Variants in KANTR observed in about 807,000 individuals in gnomAD.
KANTR encodes the protein KANTR integral membrane protein.
exon 3 of KANTR, chrX:53,127,081 G>A (rs1371869226): frequency 8.9e-6 from 1 of 111,768 alleles, no homozygotes; most frequent in African/African-American, 3.3e-5. Context: ...CTTTGTACTT[G>A]TTCTTCTCAC....
intron 2 of KANTR, among the ~76,000 whole-genome samples, chrX:53,119,498 A>G: frequency 9.0e-6 from 1 of 111,646 alleles, no homozygotes; most frequent in Non-Finnish European, 1.9e-5. Flanking sequence ...TAACATAATA[A>G]TCTGAGAAAC....
At position 53,111,999 on chromosome X, in the gene KANTR, T is replaced by G. The variant is rs1011630764; in HGVS notation, c.-804-11470T>G. Reference sequence around the variant, plus strand: ...TTTTTTTTTAATTTCAGTTGGTTTTTGGGGAACAGGTGGTGGTTGGTTACA... The same window carrying G: ...TTTTTTTTTAATTTCAGTTGGTTTTGGGGGAACAGGTGGTGGTTGGTTACA... On this transcript the variant is annotated intron_variant, in intron 2 of 2. Transcript: ENST00000604062. 3.6e-5 allele frequency among the ~76,000 whole-genome samples: 4 copies of G among 111,346 alleles called. No individual in the cohort carries two copies. The East Asian group carries it at 8.4e-4, about 23-fold the overall frequency.
chrX:53,144,923 C>A (rs1011162433), downstream of KANTR, among the ~76,000 whole-genome samples: 1 of 111,668 alleles, frequency 9.0e-6, no homozygotes, highest in African/African-American at 3.3e-5. Context: ...CTGCCTTAGT[C>A]GTTCTGTGTC....
chrX:53,131,217 A>G (rs1556817009), downstream of KANTR, among the ~76,000 whole-genome samples: 1 of 111,450 alleles, frequency 9.0e-6, no homozygotes. Context: ...TCCCAGCCTC[A>G]GTAACCACCT....
downstream of KANTR, chrX:53,143,846 C>A: frequency 2.1e-6 from 1 of 472,534 alleles, no homozygotes; most frequent in East Asian, 4.1e-5. Flanking sequence ...CCATCCATCC[C>A]CAGCAAAGCC....
At chrX:53,094,856 G>C (rs1231458856) in intron 1 of KANTR, 1 of 112,092 alleles carries the variant, frequency 8.9e-6, no homozygotes, top group Non-Finnish European at 1.9e-5. Context: ...TGACTGAAAA[G>C]AATATTGTCT....
intron 2 of KANTR, among the ~76,000 whole-genome samples, chrX:53,141,079 C>T (rs1369541710): frequency 8.9e-6 from 1 of 112,416 alleles, no homozygotes; most frequent in African/African-American, 3.2e-5. Flanking sequence ...GAGAATCACT[C>T]GAACCCAGGA....
chrX:53,109,480 C>T (rs1337267098), intron 2 of KANTR, among the ~76,000 whole-genome samples: 13 of 111,756 alleles, frequency 1.2e-4, no homozygotes, highest in Non-Finnish European at 1.5e-4. Flanking sequence ...GATGGGGTTT[C>T]GCCATGTTGG....
At chrX:53,143,904 C>G (rs1443612259), downstream of KANTR, 2 of 392,782 alleles carry the variant, frequency 5.1e-6, no homozygotes, top group Non-Finnish European at 4.8e-6. Context: ...GCGGCGATCT[C>G]TATTTCCATT....
intron 2 of KANTR, among the ~76,000 whole-genome samples, chrX:53,102,314 G>T (rs188737561): frequency 8.9e-6 from 1 of 112,026 alleles, no homozygotes; most frequent in East Asian, 2.8e-4. Context: ...CAAGGATTCA[G>T]TTCAGGCTCC....
downstream of KANTR, among the ~76,000 whole-genome samples, chrX:53,147,101 G>A (rs935112130): frequency 6.3e-5 from 7 of 111,334 alleles, no homozygotes; most frequent in South Asian, 3.7e-4. Context: ...TGACAGGATC[G>A]AATTCACACA....
chrX:53,097,940 A>G (rs1280137650), intron 1 of KANTR, among the ~76,000 whole-genome samples: 3 of 105,337 alleles, frequency 2.8e-5, no homozygotes, highest in Admixed American at 1.0e-4. Context: ...AGTCCCAGCT[A>G]CTTGGGAGGC....
At chrX:53,142,316 G>GTTTTTTTT in exon 3 of KANTR, 1 of 102,214 alleles carries the variant, frequency 9.8e-6, no homozygotes, top group Non-Finnish European at 1.9e-5. Context: ...TTCTGTGTAT[G>GTTTTTTTT]TTTTTTTTTT....
chrX:53,107,302 C>CTTTTTTTTTTTTTTTTTTTTTTTT (rs139264757), intron 2 of KANTR, among the ~76,000 whole-genome samples: 1 of 61,659 alleles, frequency 1.6e-5, no homozygotes, highest in Non-Finnish European at 2.7e-5. Flanking sequence ...ATCCTCTTTG[C>CTTTTTTTTTTTTTTTTTTTTTTTT]TTTTTTTTTT....
downstream of KANTR, among the ~76,000 whole-genome samples, chrX:53,144,814 G>C (rs1933551451): frequency 2.7e-5 from 3 of 111,860 alleles, no homozygotes; most frequent in East Asian, 8.3e-4. Flanking sequence ...TTTTGCATAT[G>C]ATCAGCCAGT....
intron 1 of KANTR, among the ~76,000 whole-genome samples, chrX:53,098,164 A>G (rs1932861561): frequency 9.0e-6 from 1 of 111,530 alleles, no homozygotes; most frequent in African/African-American, 3.3e-5. Flanking sequence ...GTTCCAGACC[A>G]ACACAATAAA....
chrX:53,121,284 A>T (rs1358177277), intron 2 of KANTR, among the ~76,000 whole-genome samples: 2 of 112,146 alleles, frequency 1.8e-5, no homozygotes, highest in Non-Finnish European at 3.8e-5. Flanking sequence ...TATAGGAGTG[A>T]GCCACCATGC....
chrX:53,105,136 C>T (rs895424460), intron 2 of KANTR, among the ~76,000 whole-genome samples: 9 of 111,131 alleles, frequency 8.1e-5, no homozygotes, highest in African/African-American at 3.0e-4. Context: ...CTGCCCTCCT[C>T]GCCTCCCAAA....
chrX:53,112,503 C>T (rs1193078318), intron 2 of KANTR, among the ~76,000 whole-genome samples: 3 of 111,922 alleles, frequency 2.7e-5, no homozygotes, highest in African/African-American at 6.5e-5. Flanking sequence ...TTTGCTGGTA[C>T]AGTCTTTTTG....
Sources: gnomAD v4.1 joint callset for allele counts (sites outside exome capture counted in the v4.1 genomes callset) on GRCh38, gnomAD v4.1.1 for gene constraint, MANE v1.5 for transcripts, NCBI Gene and HGNC (gene_info 2026-07-23, HGNC 2026-07-21) for gene names.